The following KIF16B variants were observed in gnomAD, a reference collection of about 807,000 sequenced individuals.
KIF16B encodes the protein kinesin family member 16B.
Under a neutral mutation model 156.3 loss-of-function variants are expected in KIF16B, and 98 were observed. That is an observed-to-expected ratio of 0.63 (90% CI 0.53 to 0.74). The LOEUF (loss-of-function observed/expected upper bound fraction) is 0.74. Among genes scored for constraint, KIF16B ranks in the 30% least tolerant of loss-of-function variants. The pLI, the probability that KIF16B is intolerant of heterozygous loss-of-function variation, is 0.00. For synonymous variants in KIF16B, 564 were observed against 583.7 expected, an observed-to-expected ratio of 0.97 and a Z score of 0.49; for missense variants, 1,421 against 1,606.5, an observed-to-expected ratio of 0.88 and a Z score of 1.97.
At chr20:16,309,580 T>C (rs1159172438) in intron 25 of KIF16B, among the ~76,000 whole-genome samples, 1 of 152,178 alleles carries the variant, frequency 6.6e-6, no homozygotes, top group African/African-American at 2.4e-5. Context: ...ATGAAAACAT[T>C]TTACACTTTT....
chr20:16,487,444 G>A (rs75340978), intron 12 of KIF16B, among the ~76,000 whole-genome samples: 2,019 of 152,168 alleles, frequency 0.013, 11 homozygotes, highest in African/African-American at 0.02. Context: ...CCCCAGTTAC[G>A]AGAGCTGCTT....
At chr20:16,515,506 G>T in intron 4 of KIF16B, 42 bp downstream of exon 4, 1 of 1,027,510 alleles carries the variant, frequency 9.7e-7, no homozygotes, top group Admixed American at 1.7e-5. Flanking sequence ...TCCAGAGAAA[G>T]ATAATGAGAA....
chr20:16,494,235 A>AT, intron 12 of KIF16B, 56 bp downstream of exon 12: 5 of 1,001,816 alleles, frequency 5.0e-6, no homozygotes, highest in Non-Finnish European at 7.5e-6. Context: ...AAAAAAAAAA[A>AT]GTTTTACCAG....
At chr20:16,487,343 A>G (rs1020916707) in intron 12 of KIF16B, among the ~76,000 whole-genome samples, 6 of 152,178 alleles carry the variant, frequency 3.9e-5, no homozygotes, top group African/African-American at 1.2e-4. Context: ...CAGAAACCAG[A>G]GGATTCAGTG....
chr20:16,376,392 A>T (rs1271202111), intron 19 of KIF16B, among the ~76,000 whole-genome samples: 2 of 152,226 alleles, frequency 1.3e-5, no homozygotes, highest in Non-Finnish European at 2.9e-5. Context: ...CAAGTTCAGG[A>T]CACTGTTGTC....
intron 23 of KIF16B, among the ~76,000 whole-genome samples, chr20:16,355,079 A>C (rs1337129802): frequency 6.6e-6 from 1 of 152,068 alleles, no homozygotes; most frequent in Non-Finnish European, 1.5e-5. Flanking sequence ...TAAAATCCTA[A>C]AAGTCTGGTT....
At chr20:16,384,389 C>T (rs1390133693) in intron 17 of KIF16B, among the ~76,000 whole-genome samples, 1 of 152,086 alleles carries the variant, frequency 6.6e-6, no homozygotes, top group Non-Finnish European at 1.5e-5. Flanking sequence ...AAGCATATAT[C>T]TAATCTGAGT....
intron 1 of KIF16B, among the ~76,000 whole-genome samples, chr20:16,530,711 T>C (rs113297363): frequency 1.3e-5 from 2 of 151,616 alleles, no homozygotes; most frequent in Non-Finnish European, 2.9e-5. Context: ...TGTTGTTTGG[T>C]TTTTTTTGAG....
chr20:16,389,625 T>A (rs1015009441), intron 17 of KIF16B, among the ~76,000 whole-genome samples: 1 of 152,210 alleles, frequency 6.6e-6, no homozygotes, highest in African/African-American at 2.4e-5. Flanking sequence ...GCAAATCCCA[T>A]GGAGACTAGG....
intron 1 of KIF16B, among the ~76,000 whole-genome samples, chr20:16,547,438 T>C (rs1486738628): frequency 1.3e-5 from 2 of 152,216 alleles, no homozygotes; most frequent in Non-Finnish European, 1.5e-5. Flanking sequence ...CTTTGGTAAG[T>C]GAAACAAAGT....
chr20:16,406,359 C>A lies in KIF16B; in HGVS notation c.1695+15G>T. 1.2e-6 allele frequency: 2 copies of A among 1,610,458 alleles called. No individual in the cohort carries two copies. Among genetic ancestry groups the A allele is most frequent in the Non-Finnish European group, 1.7e-6 (2 of 1,176,938 alleles). ...ACGATCAGTGGTTCCCTCCTAGAGA[C>A]GCCGTGTCCCTCACCTTCCTCTTCT... On this transcript the variant is annotated intron_variant, in intron 16 of 25. Coordinates refer to ENST00000354981, the MANE Select transcript of KIF16B (RefSeq NM_024704.5).
chr20:16,409,948 CAT>C lies in KIF16B; in HGVS notation c.1613-3494_1613-3493del, dbSNP rs74175688. On this transcript the variant is annotated intron_variant, in intron 15 of 25. Transcript: ENST00000354981. ...ATCTACCTTCCTACCCACTTACCTA[CAT>C]ATATATATATATATATATACATATA... is the stretch of plus-strand genomic sequence containing the variant. 3.1e-3 allele frequency among the ~76,000 whole-genome samples: 169 copies of C among 54,898 alleles called. 10 individuals are homozygous for C. The highest frequency in any genetic ancestry group is 0.011 in the African/African-American group (107 of 9,508). 36.0% of individuals were successfully genotyped at this position (54,898 alleles called of 152,430 possible). A position where few individuals can be genotyped will look rare whatever the true frequency, so the allele number is the denominator to read the frequency against.
intron 22 of KIF16B, among the ~76,000 whole-genome samples, chr20:16,359,099 A>G (rs989667231): frequency 2.0e-5 from 3 of 152,218 alleles, no homozygotes; most frequent in African/African-American, 7.2e-5. Context: ...CTCTTTTCAT[A>G]AGTCAGTTTT....
chr20:16,420,445 CA>C (rs1949055080), intron 15 of KIF16B, among the ~76,000 whole-genome samples: 1 of 152,056 alleles, frequency 6.6e-6, no homozygotes, highest in South Asian at 2.1e-4. Context: ...GCCTAAATAA[CA>C]CATTTACAAA....
chr20:16,336,635 C>T (rs1305910194), intron 23 of KIF16B, among the ~76,000 whole-genome samples: 1 of 152,156 alleles, frequency 6.6e-6, no homozygotes, highest in African/African-American at 2.4e-5. Context: ...CTTCCCATGT[C>T]ACCCAGGAAC....
chr20:16,306,009 A>T (rs1191199127), intron 25 of KIF16B, among the ~76,000 whole-genome samples: 1 of 152,096 alleles, frequency 6.6e-6, no homozygotes, highest in African/African-American at 2.4e-5. Context: ...TTATTAATAC[A>T]CTCAATCAGA....
intron 3 of KIF16B, among the ~76,000 whole-genome samples, chr20:16,517,861 A>C (rs544132229): frequency 6.6e-6 from 1 of 152,360 alleles, no homozygotes; most frequent in South Asian, 2.1e-4. Flanking sequence ...AAAACTTTTC[A>C]AAGAATAAAG....
At position 16,382,255 on chromosome 20, in the gene KIF16B, C is replaced by A. The variant is rs2123449200; in HGVS notation, c.1785-508G>T. On this transcript the variant is annotated intron_variant, in intron 17 of 25. Coordinates refer to ENST00000354981, the MANE Select transcript of KIF16B (RefSeq NM_024704.5). ...AGGTACTTAAAAGGCAATAGCCATGCATGAATTGAAACATCTTTTTATAAA... is the reference window on the plus strand; with the variant it reads ...AGGTACTTAAAAGGCAATAGCCATGAATGAATTGAAACATCTTTTTATAAA... 2.3e-5 allele frequency: 8 copies of A among 344,882 alleles called. No individual in the cohort carries two copies. The South Asian group carries it at 2.8e-4, about 12-fold the overall frequency. 21.4% of individuals were successfully genotyped at this position (344,882 alleles called of 1,614,324 possible).
At chr20:16,522,589 C>G (rs748479067) in intron 3 of KIF16B, among the ~76,000 whole-genome samples, 1 of 152,218 alleles carries the variant, frequency 6.6e-6, no homozygotes. Flanking sequence ...TAACACCCCA[C>G]TGTCAATATT....
Sources: allele counts gnomAD v4.1 joint callset (sites outside exome capture counted in the v4.1 genomes callset), GRCh38; gene constraint gnomAD v4.1.1; transcripts MANE v1.5; gene names NCBI Gene and HGNC (gene_info 2026-07-23, HGNC 2026-07-21).